The following ZFR variants were observed in gnomAD, a reference collection of about 807,000 sequenced individuals.
The protein encoded by ZFR is zinc finger RNA-binding protein.
ZFR carries 19 observed loss-of-function variants against 130.7 expected under a neutral mutation model. The ratio of observed to expected loss-of-function variants is 0.15; its 90% CI spans 0.10 to 0.21. ZFR has a LOEUF of 0.21. Among genes scored for constraint, ZFR ranks in the 10% least tolerant of loss-of-function variants. The pLI is 1.00. For missense variants in ZFR, 872 were observed against 1,321.5 expected, an observed-to-expected ratio of 0.66 and a Z score of 5.27; for synonymous variants, 466 against 456.9, an observed-to-expected ratio of 1.02 and a Z score of -0.25.
chr5:32,414,623 G>T (rs1256477812), intron 5 of ZFR, among the ~76,000 whole-genome samples: 8 of 152,142 alleles, frequency 5.3e-5, no homozygotes, highest in African/African-American at 1.7e-4. Flanking sequence ...GGTATTCCCT[G>T]AGTATTAACC....
At chr5:32,367,888 T>G (rs1221187634) in intron 17 of ZFR, among the ~76,000 whole-genome samples, 1 of 152,212 alleles carries the variant, frequency 6.6e-6, no homozygotes, top group Non-Finnish European at 1.5e-5. Context: ...CCCATAAATT[T>G]AAGAAGCTAA....
intron 17 of ZFR, among the ~76,000 whole-genome samples, chr5:32,377,078 C>T (rs1303068238): frequency 8.2e-4 from 123 of 150,500 alleles, no homozygotes; most frequent in African/African-American, 2.5e-3. Flanking sequence ...ATGGCAAGAA[C>T]CTGGGAGGCG....
chr5:32,375,426 C>A (rs1262578318), intron 17 of ZFR, among the ~76,000 whole-genome samples: 1 of 151,998 alleles, frequency 6.6e-6, no homozygotes, highest in Non-Finnish European at 1.5e-5. Flanking sequence ...TTCTTTTATT[C>A]CGTATTTGTT....
rs933035060 is a variant in ZFR at position 32,390,566 on chromosome 5, G to C, written c.1980-129C>G. ...GCCTAGCTAAAATTTCTTCCCAAAT[G>C]TATCTGATTTTCCATGTTTGCTTTC... On this transcript the variant is annotated intron_variant, in intron 11 of 19. Coordinates refer to ENST00000265069, the MANE Select transcript of ZFR (RefSeq NM_016107.5). The C allele has an allele frequency of 4.5e-6, 4 of 895,972 alleles. No individual in the cohort carries two copies. The African/African-American group carries it at 6.7e-5, about 15-fold the overall frequency. 55.5% of individuals were successfully genotyped at this position (895,972 alleles called of 1,614,324 possible).
intron 15 of ZFR, chr5:32,383,693 C>T (rs1403428633): frequency 4.4e-6 from 2 of 449,910 alleles, no homozygotes; most frequent in Middle Eastern, 3.3e-4. Flanking sequence ...CTCCCCAAAG[C>T]AAGCTATAGG....
intron 11 of ZFR, 23 bp downstream of exon 11, chr5:32,395,136 C>T (rs1190454904): frequency 1.3e-6 from 2 of 1,565,844 alleles, no homozygotes; most frequent in Non-Finnish European, 1.7e-6. Flanking sequence ...ACTTACCAGG[C>T]TATTAAAAGT....
intron 17 of ZFR, among the ~76,000 whole-genome samples, chr5:32,375,172 T>C (rs1406256502): frequency 6.6e-6 from 1 of 152,230 alleles, no homozygotes; most frequent in Non-Finnish European, 1.5e-5. Flanking sequence ...GAAATCTATT[T>C]ACACAGTATT....
At chr5:32,405,166 G>GA (rs1411250113) in intron 6 of ZFR, among the ~76,000 whole-genome samples, 2 of 152,148 alleles carry the variant, frequency 1.3e-5, no homozygotes, top group African/African-American at 4.8e-5. Flanking sequence ...GCAGTGGCCT[G>GA]AAATAGCTCC....
At chr5:32,362,869 G>C (rs973173328) in intron 19 of ZFR, among the ~76,000 whole-genome samples, 8 of 152,130 alleles carry the variant, frequency 5.3e-5, no homozygotes, top group African/African-American at 1.9e-4. Context: ...AATTTTGTTA[G>C]TTTTCAAGTG....
intron 6 of ZFR, among the ~76,000 whole-genome samples, chr5:32,404,945 T>C (rs950372281): frequency 1.3e-5 from 2 of 152,134 alleles, no homozygotes; most frequent in South Asian, 2.1e-4. Flanking sequence ...GACTCCTGAG[T>C]AGCTGGGACC....
At chr5:32,361,068 G>A (rs1272512737) in intron 19 of ZFR, among the ~76,000 whole-genome samples, 1 of 152,190 alleles carries the variant, frequency 6.6e-6, no homozygotes, top group Non-Finnish European at 1.5e-5. Context: ...TCTTGCCTCA[G>A]CCTCCCAAAG....
In ZFR at chr5:32,402,029, G is replaced by A. The variant is rs192942372; in HGVS notation, c.1516+1077C>T. On this transcript the variant is annotated intron_variant, in intron 8 of 19. Coordinates refer to ENST00000265069, the MANE Select transcript of ZFR (RefSeq NM_016107.5). ...AGACACATTGGGAGGCATCCACACCGCCATATAAAAGATGTCCAGGGAATA... is the reference window on the plus strand; with the variant it reads ...AGACACATTGGGAGGCATCCACACCACCATATAAAAGATGTCCAGGGAATA... 3.6e-4 allele frequency among the ~76,000 whole-genome samples: 55 copies of A among 152,272 alleles called. 1 individual carries two copies. The highest frequency in any genetic ancestry group is 1.2e-3 in the African/African-American group (51 of 41,560).
In ZFR at chr5:32,387,668, A is replaced by G. The variant is rs1056955311; in HGVS notation, c.2380T>C (p.Leu794=). ...ALKGVLRVGV[L]AKGLLLRGDR... The stretch of plus-strand genomic sequence containing the variant: ...CCTCGGAGAAGTAATCCTTTTGCCA[A>G]TACTCCCACTCGCAAAACTCCTTTC... Residue 794 remains leucine (L), a synonymous_variant, in exon 14 of 20, where the codon TTG becomes CTG. Coordinates refer to ENST00000265069, the MANE Select transcript of ZFR (RefSeq NM_016107.5). 2 of 1,612,606 alleles carry G rather than the reference A, an allele frequency of 1.2e-6. No homozygotes were observed. Among genetic ancestry groups the G allele is most frequent in the African/African-American group, 2.7e-5 (2 of 74,912 alleles).
In ZFR at chr5:32,420,813, AG is replaced by A. The variant is rs1341756899; in HGVS notation, c.138-711del. On this transcript the variant is annotated intron_variant, in intron 2 of 19. Transcript: ENST00000265069. ...AAAGAATTATTTAAAGTATGTCAAT[AG>A]TGCTGAGGGTTGAGAAGTTCTGTTC... Among the ~76,000 whole-genome samples the A allele has an allele frequency of 5.1e-4, 78 of 152,352 alleles. 1 individual carries two copies. The highest frequency in any genetic ancestry group is 1.8e-3 in the African/African-American group (73 of 41,598).
chr5:32,404,227 G>A, intron 6 of ZFR, 130 bp from the exon 7 acceptor site: 1 of 689,786 alleles, frequency 1.4e-6, no homozygotes, highest in South Asian at 2.3e-5. Flanking sequence ...GTTGAAAAAG[G>A]GCATGTGGCA....
intron 11 of ZFR, among the ~76,000 whole-genome samples, chr5:32,393,718 G>A (rs931133474): frequency 2.0e-5 from 3 of 152,118 alleles, no homozygotes; most frequent in Non-Finnish European, 4.4e-5. Flanking sequence ...GATAATTGAG[G>A]ATAAAGGATC....
intron 2 of ZFR, among the ~76,000 whole-genome samples, chr5:32,423,709 C>T (rs1325760032): frequency 2.6e-5 from 4 of 152,056 alleles, no homozygotes; most frequent in African/African-American, 9.7e-5. Flanking sequence ...ATTCAAAAAG[C>T]TCACAGAGAG....
intron 11 of ZFR, chr5:32,394,230 A>G (rs1753244531): frequency 6.3e-6 from 1 of 159,308 alleles, no homozygotes; most frequent in African/African-American, 2.4e-5. Context: ...ATGAACGAAT[A>G]AACAAAATGT....
chr5:32,406,967 T>G lies in ZFR; in HGVS notation c.839A>C (p.Tyr280Ser). The change falls in exon 6 of 20, where the codon TAT becomes TCT. Residue 280 changes from tyrosine to serine, a missense_variant. Coordinates refer to ENST00000265069, the MANE Select transcript of ZFR (RefSeq NM_016107.5). Reference protein sequence around the residue: ...AAVYSAASSYYQQQQQQQKQA... With the variant: ...AAVYSAASSYSQQQQQQQKQA... ...CTTCTGTTGCTGCTGCTGCTGTTGA[T>G]AGTAGGAAGATGCAGCTGAATACAC... is the stretch of plus-strand genomic sequence containing the variant. 1 of 1,588,972 alleles carries G rather than the reference T, an allele frequency of 6.3e-7. No individual in the cohort carries two copies. Among genetic ancestry groups the G allele is most frequent in the Non-Finnish European group, 8.5e-7 (1 of 1,173,290 alleles).
Sources: allele counts gnomAD v4.1 joint callset (sites outside exome capture counted in the v4.1 genomes callset), GRCh38; gene constraint gnomAD v4.1.1; transcripts MANE v1.5; gene names NCBI Gene and HGNC (gene_info 2026-07-23, HGNC 2026-07-21).